Variants in DMD observed in about 807,000 individuals in gnomAD.
DMD encodes dystrophin, also known as mutant dystrophin.
Under a neutral mutation model 330.1 loss-of-function variants are expected in DMD, and 63 were observed. The ratio of observed to expected loss-of-function variants is 0.19; its 90% CI spans 0.16 to 0.24. The LOEUF (loss-of-function observed/expected upper bound fraction) is 0.24, where lower values mean the gene tolerates loss of function less well. Ranked by LOEUF, DMD falls within the 10% of genes least tolerant of loss-of-function variation. The pLI, the probability that DMD is intolerant of heterozygous loss-of-function variation, is 1.00. For missense variants in DMD, 3,344 were observed against 2,684.1 expected (o/e 1.25, Z -5.43); for synonymous variants, 1,223 against 959.8 (o/e 1.27, Z -5.07).
chrX:31,341,891 G>GCACACACACACACA (rs58867858), intron 61 of DMD, among the ~76,000 whole-genome samples: 9 of 98,877 alleles, frequency 9.1e-5, no homozygotes, highest in Admixed American at 3.3e-4. Flanking sequence ...GTGCGCGCGC[G>GCACACACACACACA]CACACACACA....
chrX:32,342,000 CTG>C, intron 41 of DMD, 98 bp downstream of exon 41: 1 of 900,120 alleles, frequency 1.1e-6, no homozygotes, highest in South Asian at 2.4e-5. Context: ...AAGTTTAAAA[CTG>C]TACCCAGATT....
At chrX:32,397,720 G>C (rs1440797425) in intron 30 of DMD, among the ~76,000 whole-genome samples, 1 of 111,380 alleles carries the variant, frequency 9.0e-6, no homozygotes, top group East Asian at 2.8e-4. Flanking sequence ...GGACTTTACA[G>C]TTAACTGAGC....
chrX:32,318,734 A>C (rs1240502663), intron 41 of DMD, among the ~76,000 whole-genome samples: 1 of 111,881 alleles, frequency 8.9e-6, no homozygotes, highest in Admixed American at 9.5e-5. Context: ...ACATACACAA[A>C]ATAGTCAAGG....
intron 48 of DMD, among the ~76,000 whole-genome samples, chrX:31,862,917 G>A (rs1204153874): frequency 3.5e-5 from 4 of 112,861 alleles, no homozygotes; most frequent in African/African-American, 1.3e-4. Flanking sequence ...GAGGCCATCC[G>A]GGTACAATGC....
chrX:31,358,919 C>G (rs1226574933), intron 60 of DMD, among the ~76,000 whole-genome samples: 1 of 112,134 alleles, frequency 8.9e-6, no homozygotes, highest in Non-Finnish European at 1.9e-5. Context: ...GTCAGCCTTT[C>G]TTTCCCAACT....
intron 44 of DMD, among the ~76,000 whole-genome samples, chrX:32,158,422 T>C (rs2096837865): frequency 1.8e-5 from 2 of 111,001 alleles, no homozygotes; most frequent in African/African-American, 6.6e-5. Context: ...AAAATAATAA[T>C]TGAATACAAA....
At chrX:32,687,025 T>C (rs752084303) in intron 9 of DMD, among the ~76,000 whole-genome samples, 8 of 112,176 alleles carry the variant, frequency 7.1e-5, no homozygotes, top group Non-Finnish European at 1.3e-4. Context: ...GTCTACTTAA[T>C]ATTCTTGGTA....
intron 55 of DMD, among the ~76,000 whole-genome samples, chrX:31,591,410 C>T (rs939740533): frequency 9.0e-6 from 1 of 111,119 alleles, no homozygotes; most frequent in African/African-American, 3.3e-5. Flanking sequence ...GTGGTGTGAG[C>T]GTTTGGAGTC....
rs111364582 is a variant in DMD at position 32,529,504 on chromosome X, G to A, written c.2169-11373C>T. 9.4e-3 allele frequency among the ~76,000 whole-genome samples: 847 copies of A among 90,317 alleles called. 20 individuals carry two copies. Among genetic ancestry groups the A allele is most frequent in the Admixed American group, 0.09 (663 of 7,386 alleles). 78.4% of individuals were successfully genotyped at this position (90,317 alleles called of 115,157 possible). Reference sequence around the variant, plus strand: ...CGCCTCCTGGGGACAAGCAATTCTCGTGCCTCAGCCTCCCGAGTACCTAGG... The same window carrying A: ...CGCCTCCTGGGGACAAGCAATTCTCATGCCTCAGCCTCCCGAGTACCTAGG... On this transcript the variant is annotated intron_variant, in intron 17 of 78. Transcript: ENST00000357033.
At chrX:32,977,500 G>T (rs1602361600) in intron 2 of DMD, among the ~76,000 whole-genome samples, 2 of 110,284 alleles carry the variant, frequency 1.8e-5, no homozygotes, top group East Asian at 5.7e-4. Context: ...CTAAATATAA[G>T]ACTCAACCCA....
rs1287538917 is a variant in DMD at position 32,697,977 on chromosome X, C to T, written c.853G>A (p.Gly285Arg). 1 of 1,196,232 alleles carries T rather than the reference C, an allele frequency of 8.4e-7. No individual in the cohort carries two copies. Among genetic ancestry groups the T allele is most frequent in the Non-Finnish European group, 1.1e-6 (1 of 888,562 alleles). Residue 285 changes from glycine (G) to arginine (R), a missense_variant, in exon 9 of 79, where the codon GGA (glycine) becomes AGA (arginine). Physicochemically the swap from Gly to Arg is moderately radical, Grantham distance 125 (BLOSUM62 -2). Transcript: ENST00000357033. ...SQQITVSLAQ[G>R]YERTSSPKPR... The stretch of plus-strand genomic sequence containing the variant: ...TTAGGGGAAGAAGTTCTCTCATATC[C>T]CTGTGCTAGACTGACCGTGATCTGC...
intron 59 of DMD, among the ~76,000 whole-genome samples, chrX:31,468,993 C>CT (rs1392405854): frequency 2.7e-5 from 3 of 109,645 alleles, no homozygotes; most frequent in Non-Finnish European, 5.7e-5. Flanking sequence ...GCAACCCCTG[C>CT]TTTTTTTTTC....
Position 31,478,220 on chromosome X carries a change from C to T in DMD, c.8823G>A (p.Glu2941=). 8.3e-7 allele frequency: 1 copy of T among 1,211,414 alleles called. No homozygotes were observed. The highest frequency in any genetic ancestry group is 1.1e-6 in the Non-Finnish European group (1 of 895,441). The change falls in exon 59 of 79, where the codon GAG becomes GAA. Residue 2941 remains glutamate, a synonymous_variant. Transcript: ENST00000357033. ...GCTTGAGGTCCAGCTCATCCGTGGC[C>T]TCTTGAAGTTCCCGGAGTCTTTCAA... is the stretch of plus-strand genomic sequence containing the variant. ...ETLERLRELQ[E]ATDELDLKLR... is the part of the protein sequence containing the mutation.
chrX:32,813,345 A>G (rs999239783), intron 6 of DMD, among the ~76,000 whole-genome samples: 4 of 111,773 alleles, frequency 3.6e-5, no homozygotes, highest in Admixed American at 2.9e-4. Context: ...TTGACTTGCA[A>G]CCAAGGATCA....
At chrX:32,175,618 G>A (rs953045353) in intron 44 of DMD, among the ~76,000 whole-genome samples, 2 of 106,253 alleles carry the variant, frequency 1.9e-5, no homozygotes, top group Non-Finnish European at 3.9e-5. Flanking sequence ...ACCCACCGGC[G>A]GGAACCAACT....
At chrX:33,245,142 T>C (rs1300545223) in intron 1 of DMD, among the ~76,000 whole-genome samples, 1 of 111,645 alleles carries the variant, frequency 9.0e-6, no homozygotes, top group Non-Finnish European at 1.9e-5. Context: ...AGTCTGTTTA[T>C]CTGGAGTGAG....
chrX:32,087,307 G>C (rs2096446315), intron 44 of DMD, among the ~76,000 whole-genome samples: 1 of 111,176 alleles, frequency 9.0e-6, no homozygotes, highest in Non-Finnish European at 1.9e-5. Flanking sequence ...ATTATTTCAG[G>C]GTCTTTTCTC....
chrX:32,320,106 C>T (rs1487269398), intron 41 of DMD, among the ~76,000 whole-genome samples: 1 of 110,756 alleles, frequency 9.0e-6, no homozygotes, highest in Admixed American at 9.7e-5. Flanking sequence ...TTATATTTCA[C>T]CCTCCTATAT....
At chrX:32,237,003 T>C (rs1056541593) in intron 43 of DMD, among the ~76,000 whole-genome samples, 2 of 111,900 alleles carry the variant, frequency 1.8e-5, no homozygotes, top group Admixed American at 1.9e-4. Context: ...GCAAATATAC[T>C]ATCTGAGCCT....
Sources: allele counts gnomAD v4.1 joint callset (sites outside exome capture counted in the v4.1 genomes callset), GRCh38; gene constraint gnomAD v4.1.1; transcripts MANE v1.5; gene names NCBI Gene and HGNC (gene_info 2026-07-23, HGNC 2026-07-21).